Variants in SPINK5 observed in about 807,000 individuals in gnomAD.
SPINK5 encodes the protein serine peptidase inhibitor Kazal type 5.
A neutral mutation model predicts 151.8 loss-of-function variants in SPINK5; 125 were observed. The ratio of observed to expected loss-of-function variants is 0.82; its 90% CI spans 0.71 to 0.96. The LOEUF (loss-of-function observed/expected upper bound fraction) is 0.96, where lower values mean the gene tolerates loss of function less well. Ranked by LOEUF, SPINK5 falls within the 40% of genes least tolerant of loss-of-function variation. The pLI, the probability that SPINK5 is intolerant of heterozygous loss-of-function variation, is 0.00. For synonymous variants in SPINK5, 374 were observed against 395.3 expected (o/e 0.95, Z 0.64); for missense variants, 1,194 against 1,291.9 (o/e 0.92, Z 1.16).
intron 2 of SPINK5, 189 bp downstream of exon 2, chr5:148,065,561 ACACAC>A (rs1752561659): frequency 8.1e-6 from 5 of 620,284 alleles, no homozygotes; most frequent in Non-Finnish European, 1.4e-5. Flanking sequence ...ACACACACAC[ACACAC>A]ACACACTCAA....
intron 9 of SPINK5, among the ~76,000 whole-genome samples, chr5:148,094,787 G>T (rs1753412247): frequency 6.6e-6 from 1 of 151,912 alleles, no homozygotes; most frequent in African/African-American, 2.4e-5. Context: ...GTATAGAATG[G>T]GGGTAAAAGC....
chr5:148,084,339 A>T (rs918739770), intron 4 of SPINK5, among the ~76,000 whole-genome samples: 2 of 151,464 alleles, frequency 1.3e-5, no homozygotes, highest in East Asian at 3.9e-4. Context: ...CCTCTTTTCC[A>T]CTCCAGCTTG....
In SPINK5 at chr5:148,111,858, A is replaced by G. The variant is rs756795920; in HGVS notation, c.1783A>G (p.Ile595Val). Residue 595 changes from isoleucine (I) to valine (V), a missense_variant, in exon 19 of 33, where the codon ATC (isoleucine) becomes GTC (valine). Transcript: ENST00000256084. ...TCCTATTGAGGGTCTAGATGGGAAAATCCACGGCAACACCTGCTCCATGTG... is the reference window on the plus strand; with the variant it reads ...TCCTATTGAGGGTCTAGATGGGAAAGTCCACGGCAACACCTGCTCCATGTG... ...NDPIEGLDGK[I>V]HGNTCSMCEA... 1 of 1,614,024 alleles carries G rather than the reference A, an allele frequency of 6.2e-7. No individual in the cohort carries two copies. Among genetic ancestry groups the G allele is most frequent in the South Asian group, 1.1e-5 (1 of 91,082 alleles).
intron 2 of SPINK5, among the ~76,000 whole-genome samples, chr5:148,065,859 T>A (rs1007978): frequency 0.7 from 106,599 of 152,024 alleles, 37,843 homozygotes; most frequent in East Asian, 0.91. Flanking sequence ...GATGCTGGGG[T>A]TATTTTTAAG....
Position 148,114,500 on chromosome 5 carries a change from A to G in SPINK5, c.2015+11A>G. Reference sequence around the variant, plus strand: ...GTGTAAGGCAGTCTTGTGAGTGCACAAAGAAAACCACTACTGTGGGATGGT... The same window carrying G: ...GTGTAAGGCAGTCTTGTGAGTGCACGAAGAAAACCACTACTGTGGGATGGT... On this transcript the variant is annotated intron_variant, in intron 21 of 32. Transcript: ENST00000256084. 2 of 1,613,002 alleles carry G rather than the reference A, an allele frequency of 1.2e-6. No homozygotes were observed. The highest frequency in any genetic ancestry group is 1.7e-6 in the Non-Finnish European group (2 of 1,179,320).
rs950679910 is a variant in SPINK5, at chr5:148,099,209, C to G, written c.1011-25C>G. Reference sequence around the variant, plus strand: ...TGGCATGTGTTTGTTCCTAATGGATCTGCTTCTTTTTCCCTCTTATTCAGC... The same window carrying G: ...TGGCATGTGTTTGTTCCTAATGGATGTGCTTCTTTTTCCCTCTTATTCAGC... On this transcript the variant is annotated intron_variant, in intron 11 of 32. Transcript: ENST00000256084. 6.9e-6 allele frequency: 11 copies of G among 1,590,624 alleles called. No individual in the cohort carries two copies. In the East Asian group the frequency reaches 2.3e-4, roughly 33 times the overall value.
chr5:148,109,945 C>A lies in SPINK5; in HGVS notation c.1692+1108C>A, dbSNP rs116182523. On this transcript the variant is annotated intron_variant, in intron 18 of 32. Transcript: ENST00000256084. ...CTATTATTCTACATTGTTCTCCATG[C>A]ACCAATTATACTGGCCACCTTTTGG... 3.0e-3 allele frequency among the ~76,000 whole-genome samples: 459 copies of A among 152,270 alleles called. 3 individuals are homozygous for A. The highest frequency in any genetic ancestry group is 0.011 in the African/African-American group (448 of 41,552).
rs199786670 is a variant in SPINK5 at position 148,112,886 on chromosome 5, A to T, written c.1839A>T (p.Glu613Asp). Residue 613 changes from glutamate to aspartate, a missense_variant, in exon 20 of 33, where the codon GAA (glutamate) becomes GAT (aspartate). Coordinates refer to ENST00000256084, the MANE Select transcript of SPINK5 (RefSeq NM_006846.4). ...CTTATAGCCAGCAAGAAGCAAAAGA[A>T]AAAGAAAGAGCTGAACCCAGAGCAA... ...CEAFFQQEAK[E>D]KERAEPRAKV... 9.3e-6 allele frequency: 15 copies of T among 1,613,982 alleles called. No individual in the cohort carries two copies. The East Asian group carries it at 2.9e-4, about 31-fold the overall frequency.
At chr5:148,119,164 C>T in intron 24 of SPINK5, 106 bp downstream of exon 24, 1 of 1,124,154 alleles carries the variant, frequency 8.9e-7, no homozygotes, top group Non-Finnish European at 1.3e-6. Context: ...AGAGCTTGCC[C>T]TTAGAAGGTC....
intron 9 of SPINK5, among the ~76,000 whole-genome samples, 193 bp from the exon 10 acceptor site, chr5:148,095,625 G>GA (rs981116691): frequency 1.3e-5 from 2 of 151,918 alleles, no homozygotes; most frequent in African/African-American, 4.8e-5. Context: ...AGGGAGATGA[G>GA]AAAAAAGATC....
intron 17 of SPINK5, 121 bp downstream of exon 17, chr5:148,107,285 C>A (rs1753809212): frequency 4.6e-5 from 63 of 1,356,352 alleles, no homozygotes; most frequent in Non-Finnish European, 6.5e-5. Context: ...GGTTTACAAG[C>A]AGATGGATAA....
intron 5 of SPINK5, among the ~76,000 whole-genome samples, chr5:148,087,295 A>G (rs1581065747): frequency 6.6e-6 from 1 of 151,938 alleles, no homozygotes; most frequent in African/African-American, 2.4e-5. Flanking sequence ...ACAAGATGAC[A>G]TACCTGCTTG....
Position 148,101,820 on chromosome 5 carries a change from C to T in SPINK5, c.1342C>T (p.Arg448Trp), listed in dbSNP as rs767146937. The T allele has an allele frequency of 1.3e-5, 21 of 1,613,664 alleles. No individual in the cohort carries two copies. The highest frequency in any genetic ancestry group is 1.6e-4 in the Middle Eastern group (1 of 6,082). Residue 448 changes from arginine (R) to tryptophan (W), a missense_variant, in exon 15 of 33, where the codon CGG becomes TGG. Physicochemically the swap from Arg to Trp is moderately radical, Grantham distance 101. Coordinates refer to ENST00000256084, the MANE Select transcript of SPINK5 (RefSeq NM_006846.4). The part of the protein sequence containing the change: ...SEYRKSRKNG[R>W]LFCTRENDPI... The stretch of plus-strand genomic sequence containing the variant: ...ATACCGCAAATCCAGGAAAAACGGA[C>T]GGCTTTTTTGCACCAGAGAGAATGA...
At chr5:148,117,851 G>T (rs1306521541) in intron 22 of SPINK5, among the ~76,000 whole-genome samples, 3 of 152,122 alleles carry the variant, frequency 2.0e-5, no homozygotes, top group Non-Finnish European at 4.4e-5. Flanking sequence ...ACTGTAGTTT[G>T]CTGACATTTA....
chr5:148,101,796 T>C lies in SPINK5; in HGVS notation c.1318T>C (p.Tyr440His). 4 of 1,613,754 alleles carry C rather than the reference T, an allele frequency of 2.5e-6. No homozygotes were observed. The highest frequency in any genetic ancestry group is 3.4e-6 in the Non-Finnish European group (4 of 1,179,742). Residue 440 changes from tyrosine (Y) to histidine (H), a missense_variant, in exon 15 of 33, where the codon TAC becomes CAC. Tyr to His is a moderately conservative substitution (Grantham distance 83, BLOSUM62 2). Transcript: ENST00000256084. ...AATTTCACAGGAGTTGTGTAGTGAA[T>C]ACCGCAAATCCAGGAAAAACGGACG... The part of the protein sequence containing the change: ...TASFEELCSE[Y>H]RKSRKNGRLF...
At chr5:148,074,065 GT>G (rs1402180285) in intron 4 of SPINK5, among the ~76,000 whole-genome samples, 11 of 151,672 alleles carry the variant, frequency 7.3e-5, no homozygotes, top group Admixed American at 1.3e-4. Context: ...TATACCATGT[GT>G]TTTTTGTTGT....
At chr5:148,100,391 T>C in intron 12 of SPINK5, 63 bp from the exon 13 acceptor site, 1 of 1,552,272 alleles carries the variant, frequency 6.4e-7, no homozygotes. Context: ...ATGTAGATGT[T>C]TGAACCTTCT....
intron 27 of SPINK5, 90 bp downstream of exon 27, chr5:148,124,050 C>T (rs1334428251): frequency 2.1e-6 from 3 of 1,419,338 alleles, no homozygotes; most frequent in East Asian, 4.7e-5. Context: ...AGATACTTGG[C>T]ATCACACATT....
At chr5:148,071,804 A>C (rs2127191267) in intron 3 of SPINK5, among the ~76,000 whole-genome samples, 1 of 152,188 alleles carries the variant, frequency 6.6e-6, no homozygotes, top group African/African-American at 2.4e-5. Context: ...ATTAGAACCA[A>C]TATAAGCAGG....
Sources: gnomAD v4.1 joint callset for allele counts (sites outside exome capture counted in the v4.1 genomes callset) on GRCh38, gnomAD v4.1.1 for gene constraint, MANE v1.5 for transcripts, NCBI Gene and HGNC (gene_info 2026-07-23, HGNC 2026-07-21) for gene names.